The following OR1L8 variants were observed in gnomAD, a reference collection of about 807,000 sequenced individuals.
OR1L8 encodes the protein olfactory receptor family 1 subfamily L member 8.
For synonymous variants in OR1L8, 148 were observed against 147.0 expected (o/e 1.01, Z -0.05); for missense variants, 330 against 377.4 (o/e 0.87, Z 1.04).
the OR1L8 span, among the ~76,000 whole-genome samples, chr9:122,552,007 AGGTGAGGATTTGGAAGGGGTAG>A: frequency 0.2 from 28,410 of 142,952 alleles, 3,300 homozygotes; most frequent in Middle Eastern, 0.26. Flanking sequence ...ATAATCTGAC[AGGTGAGGATTTGGAAGGGGTAG>A]GACACATACA....
the OR1L8 span, among the ~76,000 whole-genome samples, chr9:122,558,854 T>C: frequency 6.6e-6 from 1 of 152,080 alleles, no homozygotes; most frequent in Admixed American, 6.5e-5. Flanking sequence ...TCTCTTCTTG[T>C]CTTTGTTTCA....
At position 122,581,668 on chromosome 9, in the gene OR1L8, C is replaced by A. The variant is rs77661173; in HGVS notation, c.-600+1653G>T. ...CTTCTTTAAAAATAAAGACAGAGGC[C>A]GGGCACAGTGGCTCATGTCTGTAAT... On this transcript the variant is annotated intron_variant, in intron 1 of 4. Coordinates refer to ENST00000641027, the MANE Select transcript of OR1L8 (RefSeq NM_001004454.2). Among the ~76,000 whole-genome samples the A allele has an allele frequency of 9.9e-3, 1,504 of 151,744 alleles. 22 individuals are homozygous for A. The highest frequency in any genetic ancestry group is 0.034 in the African/African-American group (1,423 of 41,374).
At chr9:122,582,977 CAG>C (rs1006881617) in intron 1 of OR1L8, among the ~76,000 whole-genome samples, 14 of 151,648 alleles carry the variant, frequency 9.2e-5, no homozygotes, top group African/African-American at 3.2e-4. Flanking sequence ...TAGATTATAG[CAG>C]AGAGAGAATA....
downstream of OR1L8, among the ~76,000 whole-genome samples, chr9:122,563,454 T>G (rs1829383346): frequency 6.6e-6 from 1 of 152,172 alleles, no homozygotes; most frequent in African/African-American, 2.4e-5. Context: ...TTAAAATCAT[T>G]TATTTGTTTT....
the OR1L8 span, among the ~76,000 whole-genome samples, chr9:122,559,264 CT>C: frequency 7.9e-5 from 12 of 151,776 alleles, no homozygotes; most frequent in South Asian, 2.1e-3. Context: ...ATGAAATCAA[CT>C]TTTTTTGTTG....
the OR1L8 span, among the ~76,000 whole-genome samples, chr9:122,548,701 G>C: frequency 1.3e-5 from 2 of 151,182 alleles, no homozygotes; most frequent in Non-Finnish European, 3.0e-5. Flanking sequence ...CCATTAACCG[G>C]TCATTTACAT....
chr9:122,570,999 C>T (rs983079482), intron 4 of OR1L8, among the ~76,000 whole-genome samples: 2 of 152,234 alleles, frequency 1.3e-5, no homozygotes, highest in Middle Eastern at 3.4e-3. Flanking sequence ...AAAATTTGAA[C>T]CTTAAGCCTC....
Position 122,567,876 on chromosome 9 carries a change from A to T in OR1L8, c.602T>A (p.Met201Lys). Residue 201 changes from methionine (M) to lysine (K), a missense_variant, in exon 5 of 5, where the codon ATG becomes AAG. By Grantham distance (95) the Met-to-Lys change is moderately conservative. Coordinates refer to ENST00000641027, the MANE Select transcript of OR1L8 (RefSeq NM_001004454.2). ...CACCAAAACAATAGGTGCTTCTGTC[A>T]TCTGCACAATTTCATTGACAAATAT... Reference protein sequence around the residue: ...SSIFVNEIVQMTEAPIVLVTR... With the variant: ...SSIFVNEIVQKTEAPIVLVTR... The T allele has an allele frequency of 6.2e-7, 1 of 1,614,058 alleles. No homozygotes were observed. The highest frequency in any genetic ancestry group is 1.1e-5 in the South Asian group (1 of 91,056).
chr9:122,547,082 A>T, the OR1L8 span, among the ~76,000 whole-genome samples: 4 of 151,106 alleles, frequency 2.6e-5, 1 homozygote, highest in South Asian at 8.4e-4. Context: ...TAATTTTTTT[A>T]AAAAGAATAT....
At chr9:122,569,340 T>C (rs1389973530) in intron 4 of OR1L8, among the ~76,000 whole-genome samples, 2 of 152,172 alleles carry the variant, frequency 1.3e-5, no homozygotes, top group African/African-American at 4.8e-5. Flanking sequence ...GTTAAAAATA[T>C]ATATGAGAAA....
the OR1L8 span, among the ~76,000 whole-genome samples, chr9:122,557,367 G>T: frequency 2.6e-5 from 4 of 152,100 alleles, no homozygotes; most frequent in South Asian, 4.1e-4. Context: ...TTTTAAAATA[G>T]ATATCCTTTA....
chr9:122,562,770 G>C (rs528071642), downstream of OR1L8, among the ~76,000 whole-genome samples: 1 of 152,180 alleles, frequency 6.6e-6, no homozygotes, highest in African/African-American at 2.4e-5. Context: ...TATGGGTATT[G>C]GTCCTTCTGT....
intron 4 of OR1L8, among the ~76,000 whole-genome samples, chr9:122,569,104 C>T (rs1019973421): frequency 1.3e-5 from 2 of 152,028 alleles, no homozygotes; most frequent in Admixed American, 6.6e-5. Flanking sequence ...AAATCTAAGA[C>T]GACTGTTGAA....
At chr9:122,572,550 A>T (rs1369546326) in intron 4 of OR1L8, among the ~76,000 whole-genome samples, 1 of 149,244 alleles carries the variant, frequency 6.7e-6, no homozygotes, top group Non-Finnish European at 1.5e-5. Context: ...GAATGCAATC[A>T]TTGTTTTGTT....
At chr9:122,560,567 A>G in the OR1L8 span, among the ~76,000 whole-genome samples, 1 of 152,136 alleles carries the variant, frequency 6.6e-6, no homozygotes, top group Non-Finnish European at 1.5e-5. Context: ...AAAGGATTTT[A>G]TTTCTCATTT....
rs184605980 is a variant in OR1L8 at position 122,572,914 on chromosome 9, T to C, written c.-341-6A>G. On this transcript the variant is annotated splice_region_variant and splice_polypyrimidine_tract_variant and intron_variant, in intron 3 of 4. Transcript: ENST00000641027. ...TTCTCCTCTGAACTTCTGGACTAAT[T>C]AGCAAGGAGGGAAGAACTGAAACAC... 6.9e-4 allele frequency: 105 copies of C among 152,350 alleles called. 2 individuals carry two copies. The highest frequency in any genetic ancestry group is 2.5e-3 in the African/African-American group (104 of 41,582). The allele number at this position is 152,350 out of a possible 1,614,324, so 9.4% of individuals were successfully genotyped here.
the OR1L8 span, chr9:122,554,199 C>A: frequency 1.3e-6 from 2 of 1,500,718 alleles, no homozygotes; most frequent in African/African-American, 1.4e-5. Context: ...TCTTGATCAA[C>A]CCCTCCCTGT....
chr9:122,560,322 G>A, the OR1L8 span, among the ~76,000 whole-genome samples: 41,465 of 151,844 alleles, frequency 0.27, 5,838 homozygotes, highest in Middle Eastern at 0.34. Flanking sequence ...CATTTAGCCC[G>A]TTTACATTTA....
chr9:122,572,533 G>A (rs1010851606), intron 4 of OR1L8, among the ~76,000 whole-genome samples: 2 of 151,470 alleles, frequency 1.3e-5, no homozygotes, highest in African/African-American at 4.9e-5. Context: ...TGAGTGTATG[G>A]GGCTGGGAAT....
Sources: allele counts gnomAD v4.1 joint callset (sites outside exome capture counted in the v4.1 genomes callset), GRCh38; gene constraint gnomAD v4.1.1; transcripts MANE v1.5; gene names NCBI Gene and HGNC (gene_info 2026-07-23, HGNC 2026-07-21).